DERL2: variants seen among roughly 807,000 people sequenced by gnomAD.
The protein encoded by DERL2 is derlin 2.
DERL2 carries 13 observed loss-of-function variants against 32.0 expected under a neutral mutation model. That is an observed-to-expected ratio of 0.41 (90% CI 0.26 to 0.65). The LOEUF (loss-of-function observed/expected upper bound fraction) is 0.65, where lower values mean the gene tolerates loss of function less well. Among genes scored for constraint, DERL2 ranks in the 30% least tolerant of loss-of-function variants. DERL2 has a pLI of 0.35. For synonymous variants in DERL2, 111 were observed against 104.7 expected, an observed-to-expected ratio of 1.06 and a Z score of -0.37; for missense variants, 208 against 296.3, an observed-to-expected ratio of 0.70 and a Z score of 2.19.
upstream of DERL2, chr17:5,486,272 C>A (rs1416289748): frequency 4.7e-6 from 4 of 857,700 alleles, no homozygotes; most frequent in Admixed American, 3.0e-5. Flanking sequence ...AGTTTTCCCG[C>A]GACTGCCCAA....
At chr17:5,485,264 C>A (rs1163530516) in intron 1 of DERL2, 48 bp from the exon 2 acceptor site, 1 of 1,360,430 alleles carries the variant, frequency 7.4e-7, no homozygotes, top group East Asian at 2.4e-5. Context: ...AACAAAATTT[C>A]ATCATTTACA....
chr17:5,479,129 G>A (rs979329238), intron 6 of DERL2, among the ~76,000 whole-genome samples: 2 of 152,170 alleles, frequency 1.3e-5, no homozygotes, highest in Non-Finnish European at 2.9e-5. Flanking sequence ...CTGGAATGCA[G>A]TGGCTATGTT....
intron 2 of DERL2, 108 bp downstream of exon 2, chr17:5,485,043 G>A: frequency 3.0e-6 from 2 of 663,728 alleles, no homozygotes; most frequent in Non-Finnish European, 4.9e-6. Flanking sequence ...TATAATCAAA[G>A]GTCCCCACTG....
chr17:5,485,090 A>C, intron 2 of DERL2, 61 bp downstream of exon 2: 2 of 1,239,616 alleles, frequency 1.6e-6, no homozygotes, highest in Non-Finnish European at 2.3e-6. Flanking sequence ...AGGATTTGCT[A>C]CTAAACAGTA....
At chr17:5,479,235 G>A (rs1428406090) in intron 6 of DERL2, among the ~76,000 whole-genome samples, 1 of 152,144 alleles carries the variant, frequency 6.6e-6, no homozygotes, top group Non-Finnish European at 1.5e-5. Flanking sequence ...AGTACACAAA[G>A]ACTGAAGAAT....
chr17:5,475,794 T>C lies in DERL2; in HGVS notation c.615-1005A>G, dbSNP rs539687747. Among the ~76,000 whole-genome samples the C allele has an allele frequency of 6.6e-5, 10 of 152,272 alleles. No homozygotes were observed. The South Asian group carries it at 1.9e-3, about 28-fold the overall frequency. On this transcript the variant is annotated intron_variant, in intron 6 of 6. Coordinates refer to ENST00000158771, the MANE Select transcript of DERL2 (RefSeq NM_016041.5). Reference sequence around the variant, plus strand: ...GCACATGGTACAACATGGATGAACCTTGAGGACTTTACGCTAAATGAAATA... The same window carrying C: ...GCACATGGTACAACATGGATGAACCCTGAGGACTTTACGCTAAATGAAATA...
upstream of DERL2, chr17:5,486,362 C>CA (rs1009213880): frequency 8.5e-5 from 43 of 507,036 alleles, no homozygotes; most frequent in South Asian, 3.7e-4. Context: ...CACCGCCCCC[C>CA]CCCAGCGCCC....
upstream of DERL2, chr17:5,486,246 GC>G (rs988034487): frequency 2.0e-5 from 23 of 1,136,252 alleles, no homozygotes; most frequent in African/African-American, 2.2e-4. Flanking sequence ...GGGCCCAAAG[GC>G]CCCCCGCCCA....
intron 5 of DERL2, 25 bp from the exon 6 acceptor site, chr17:5,480,169 T>C: frequency 6.6e-7 from 1 of 1,504,154 alleles, no homozygotes; most frequent in African/African-American, 1.4e-5. Context: ...AAATAAAGGA[T>C]GAGGGAGAGA....
chr17:5,486,252 C>T (rs1906290116), upstream of DERL2: 1 of 1,111,818 alleles, frequency 9.0e-7, no homozygotes, highest in African/African-American at 1.6e-5. Context: ...AAAGGCCCCC[C>T]GCCCACTTTA....
At chr17:5,476,951 C>G (rs542242253) in intron 6 of DERL2, among the ~76,000 whole-genome samples, 1 of 152,186 alleles carries the variant, frequency 6.6e-6, no homozygotes, top group East Asian at 1.9e-4. Context: ...GGGGAGGCAT[C>G]CCTGTAAGAG....
In DERL2 at chr17:5,472,792, AAAC is replaced by A. The variant is rs1450062527; in HGVS notation, c.*1889_*1891del. On this transcript the variant is annotated 3_prime_UTR_variant, in exon 7 of 7. Coordinates refer to ENST00000158771, the MANE Select transcript of DERL2 (RefSeq NM_016041.5). Reference sequence around the variant, plus strand: ...AAACAATTTAAAAAAAAAAAACAAAAAACAAAATTCTAACAAACGTCACTGATA... The same window carrying A: ...AAACAATTTAAAAAAAAAAAACAAAAAAAATTCTAACAAACGTCACTGATA... 6.6e-6 allele frequency: 1 copy of A among 152,156 alleles called. No homozygotes were observed. Among genetic ancestry groups the A allele is most frequent in the African/African-American group, 2.4e-5 (1 of 41,466 alleles). The allele number at this position is 152,156 out of a possible 1,614,324, so 9.4% of individuals were successfully genotyped here. A position where few individuals can be genotyped will look rare whatever the true frequency, so the allele number is the denominator to read the frequency against.
rs376816272 is a variant in DERL2, at chr17:5,481,428, A to G, written c.234-39T>C. 2.1e-6 allele frequency: 3 copies of G among 1,410,804 alleles called. No individual in the cohort carries two copies. Among genetic ancestry groups the G allele is most frequent in the Non-Finnish European group, 3.0e-6 (3 of 998,952 alleles). 87.4% of individuals were successfully genotyped at this position (1,410,804 alleles called of 1,614,324 possible). On this transcript the variant is annotated intron_variant, in intron 3 of 6. Coordinates refer to ENST00000158771, the MANE Select transcript of DERL2 (RefSeq NM_016041.5). This position sits in a 1 kb window ranked among gnomAD's most constrained non-coding sequence, Gnocchi z 4.4. ...TTAAGAAAATATTAAGCACACGAAT[A>G]TGAACAAAGTAAAAATTTAATGTTA...
At position 5,476,725 on chromosome 17, in the gene DERL2, G is replaced by A. The variant is rs559616599; in HGVS notation, c.615-1936C>T. Among the ~76,000 whole-genome samples the A allele has an allele frequency of 2.3e-3, 352 of 152,320 alleles. 1 individual carries two copies. Among genetic ancestry groups the A allele is most frequent in the Middle Eastern group, 0.017 (5 of 294 alleles). ...GAACCCAGGAGGCGGAGGTTGCAGT[G>A]AGCCGAGATTGAGCCACTGCACTCA... On this transcript the variant is annotated intron_variant, in intron 6 of 6. Transcript: ENST00000158771.
In DERL2 at chr17:5,474,887, G is replaced by T. The variant is rs1905289739; in HGVS notation, c.615-98C>A. 5.5e-6 allele frequency: 4 copies of T among 725,906 alleles called. No homozygotes were observed. The highest frequency in any genetic ancestry group is 9.0e-6 in the Non-Finnish European group (4 of 446,920). 45.0% of individuals were successfully genotyped at this position (725,906 alleles called of 1,614,324 possible). A position where few individuals can be genotyped will look rare whatever the true frequency, so the allele number is the denominator to read the frequency against. On this transcript the variant is annotated intron_variant, in intron 6 of 6. Transcript: ENST00000158771. This position sits in a 1 kb window ranked among gnomAD's most constrained non-coding sequence, Gnocchi z 4.3. The stretch of plus-strand genomic sequence containing the variant: ...GGCCCCATAGGGTTTCCACCAATAG[G>T]TAAGCATTACACCTGCCTGCCAATT...
Position 5,471,808 on chromosome 17 carries a change from CAAAGAA to C in DERL2, c.*2870_*2875del, listed in dbSNP as rs1443823606. ...AACAACATAGCTGGAACTCACCTGT[CAAAGAA>C]AAACAGCTACAACATAAAACACTGG... On this transcript the variant is annotated 3_prime_UTR_variant, in exon 7 of 7. Coordinates refer to ENST00000158771, the MANE Select transcript of DERL2 (RefSeq NM_016041.5). 1.3e-5 allele frequency: 2 copies of C among 152,100 alleles called. No homozygotes were observed. Among genetic ancestry groups the C allele is most frequent in the Admixed American group, 1.3e-4 (2 of 15,272 alleles). 9.4% of individuals were successfully genotyped at this position (152,100 alleles called of 1,614,324 possible).
intron 6 of DERL2, among the ~76,000 whole-genome samples, chr17:5,475,910 T>C (rs1004305026): frequency 6.6e-6 from 1 of 152,132 alleles, no homozygotes; most frequent in African/African-American, 2.4e-5. Flanking sequence ...AGAATGGTGA[T>C]GGCTGGGGTG....
At chr17:5,482,913 T>A (rs750650417) in intron 2 of DERL2, 31 bp from the exon 3 acceptor site, 1 of 1,202,906 alleles carries the variant, frequency 8.3e-7, no homozygotes, top group Non-Finnish European at 1.2e-6. Context: ...GAAAGATGTA[T>A]TAAGTAAAAT....
upstream of DERL2, chr17:5,486,385 C>A (rs567473883): frequency 2.8e-5 from 14 of 506,228 alleles, no homozygotes; most frequent in African/African-American, 2.2e-4. Context: ...TCTCCCCACC[C>A]TCTCTTCTCC....
Sources: gnomAD v4.1 joint callset for allele counts (sites outside exome capture counted in the v4.1 genomes callset) on GRCh38, gnomAD v4.1.1 for gene constraint, Gnocchi (gnomAD v3.1) non-coding constraint, MANE v1.5 for transcripts, NCBI Gene and HGNC (gene_info 2026-07-23, HGNC 2026-07-21) for gene names.